CAT: variants seen among roughly 807,000 people sequenced by gnomAD.
CAT encodes catalase.
CAT carries 43 observed loss-of-function variants against 59.0 expected under a neutral mutation model. The ratio of observed to expected loss-of-function variants is 0.73; its 90% CI spans 0.57 to 0.94. The LOEUF (loss-of-function observed/expected upper bound fraction) is 0.94. Among genes scored for constraint, CAT ranks in the 40% least tolerant of loss-of-function variants. CAT has a pLI of 0.00. For missense variants in CAT, 664 were observed against 682.9 expected (o/e 0.97, Z 0.31); for synonymous variants, 218 against 230.9 (o/e 0.94, Z 0.51).
chr11:34,471,309 A>G, intron 12 of CAT, 59 bp from the exon 13 acceptor site: 6 of 1,283,340 alleles, frequency 4.7e-6, no homozygotes, highest in Non-Finnish European at 6.8e-6. Context: ...AAAACTGAGT[A>G]AATATCACGT....
intron 6 of CAT, among the ~76,000 whole-genome samples, 186 bp downstream of exon 6, chr11:34,454,112 G>A (rs183080448): frequency 8.0e-4 from 122 of 152,196 alleles, no homozygotes; most frequent in Non-Finnish European, 1.4e-3. Context: ...ACCTTGGAGC[G>A]TATCCCAATC....
intron 11 of CAT, among the ~76,000 whole-genome samples, chr11:34,468,971 C>T (rs1473326574): frequency 6.6e-6 from 1 of 152,158 alleles, no homozygotes; most frequent in Admixed American, 6.5e-5. Flanking sequence ...CATAATACCT[C>T]GATCCTCCTT....
At chr11:34,458,235 T>C (rs1450349703) in intron 8 of CAT, among the ~76,000 whole-genome samples, 1 of 152,186 alleles carries the variant, frequency 6.6e-6, no homozygotes, top group Non-Finnish European at 1.5e-5. Context: ...AGGTGGGACA[T>C]GTTAGGTGTG....
In CAT at chr11:34,468,185, A is replaced by G. The variant is rs969474741; in HGVS notation, c.1327-103A>G. ...AAATTTAAAATTATTCTTAACTTCT[A>G]AAGTTTTTTTTATCATTGATTTCCT... On this transcript the variant is annotated intron_variant, in intron 10 of 12. Transcript: ENST00000241052. The G allele has an allele frequency of 3.5e-5, 31 of 873,446 alleles. No homozygotes were observed. In the African/African-American group the frequency reaches 4.6e-4, roughly 13 times the overall value. 54.1% of individuals were successfully genotyped at this position (873,446 alleles called of 1,614,324 possible).
chr11:34,467,926 G>T (rs1856737531), intron 10 of CAT, among the ~76,000 whole-genome samples: 1 of 151,950 alleles, frequency 6.6e-6, no homozygotes, highest in Non-Finnish European at 1.5e-5. Context: ...TTCCTCCATG[G>T]TTCTGGGAGA....
intron 8 of CAT, among the ~76,000 whole-genome samples, chr11:34,460,373 T>C (rs1295232783): frequency 6.6e-6 from 1 of 152,082 alleles, no homozygotes; most frequent in Non-Finnish European, 1.5e-5. Flanking sequence ...GTTATTGTTG[T>C]TTATATCTAG....
chr11:34,461,127 C>T (rs977123909), intron 8 of CAT, 124 bp from the exon 9 acceptor site: 16 of 1,064,492 alleles, frequency 1.5e-5, no homozygotes, highest in Non-Finnish European at 1.9e-5. Context: ...GCGGGAAAGG[C>T]AGAATTTTGT....
chr11:34,464,251 T>G lies in CAT; in HGVS notation c.1326+16T>G. 6.2e-7 allele frequency: 1 copy of G among 1,612,894 alleles called. No individual in the cohort carries two copies. Among genetic ancestry groups the G allele is most frequent in the Non-Finnish European group, 8.5e-7 (1 of 1,178,862 alleles). On this transcript the variant is annotated intron_variant, in intron 10 of 12. Transcript: ENST00000241052. ...CGTTACTCAGGTAATGACTTCTCTTTATCTGCTATGGAAGTCACCTGCTAA... is the reference window on the plus strand; with the variant it reads ...CGTTACTCAGGTAATGACTTCTCTTGATCTGCTATGGAAGTCACCTGCTAA...
At position 34,449,250 on chromosome 11, in the gene CAT, T is replaced by C. The variant is rs1348925154; in HGVS notation, c.125T>C (p.Ile42Thr). 7 of 1,613,898 alleles carry C rather than the reference T, an allele frequency of 4.3e-6. No homozygotes were observed. The highest frequency in any genetic ancestry group is 3.3e-5 in the Admixed American group (2 of 60,004). The change falls in exon 2 of 13, where the codon ATT becomes ACT. Residue 42 changes from isoleucine (I) to threonine (T), a missense_variant. Coordinates refer to ENST00000241052, the MANE Select transcript of CAT (RefSeq NM_001752.4). ...CCAGTAGGAGACAAACTTAATGTTA[T>C]TACAGTAGGGCCCCGTGGGCCCCTT... ...GNPVGDKLNV[I>T]TVGPRGPLLV...
At chr11:34,441,259 G>A (rs139455985) in intron 1 of CAT, among the ~76,000 whole-genome samples, 1 of 152,086 alleles carries the variant, frequency 6.6e-6, no homozygotes, top group Non-Finnish European at 1.5e-5. Flanking sequence ...CAGAAAAGTT[G>A]AAAAAATTTT....
At chr11:34,464,325 C>T in intron 10 of CAT, 90 bp downstream of exon 10, 1 of 1,249,838 alleles carries the variant, frequency 8.0e-7, no homozygotes. Flanking sequence ...AATGCCCCAA[C>T]TGTCTGATGT....
chr11:34,468,627 A>C (rs112353694), intron 11 of CAT: 44 of 583,668 alleles, frequency 7.5e-5, no homozygotes, highest in African/African-American at 6.3e-4. Context: ...GTACTAATTT[A>C]GTTGTGTTCA....
chr11:34,449,229 T>C lies in CAT; in HGVS notation c.104T>C (p.Val35Ala), dbSNP rs1370868984. The C allele has an allele frequency of 6.2e-7, 1 of 1,614,060 alleles. No individual in the cohort carries two copies. The highest frequency in any genetic ancestry group is 8.5e-7 in the Non-Finnish European group (1 of 1,179,992). Residue 35 changes from valine (V) to alanine (A), a missense_variant, in exon 2 of 13, where the codon GTA becomes GCA. Coordinates refer to ENST00000241052, the MANE Select transcript of CAT (RefSeq NM_001752.4). ...DVLTTGAGNP[V>A]GDKLNVITVG... ...CTGACCACTGGAGCTGGTAACCCAG[T>C]AGGAGACAAACTTAATGTTATTACA...
chr11:34,450,672 C>T (rs11824384), intron 2 of CAT, among the ~76,000 whole-genome samples: 3,289 of 152,294 alleles, frequency 0.022, 125 homozygotes, highest in African/African-American at 0.076. Flanking sequence ...CACTTTCTCT[C>T]ATAGGTCCTA....
intron 3 of CAT, 42 bp downstream of exon 3, chr11:34,451,140 C>T (rs1448004415): frequency 8.8e-7 from 1 of 1,140,946 alleles, no homozygotes; most frequent in Non-Finnish European, 1.3e-6. Flanking sequence ...CTTAACTCAA[C>T]TTCACCTTTT....
chr11:34,471,788 A>G lies in CAT; in HGVS notation c.*355A>G, dbSNP rs1032962795. ...ACCTCATGGCCTATTATATTAAAAT[A>G]TGGCTATAAATATATAAAAAGAAAA... On this transcript the variant is annotated 3_prime_UTR_variant, in exon 13 of 13. Transcript: ENST00000241052. 8.2e-6 allele frequency: 2 copies of G among 242,586 alleles called. No homozygotes were observed. The highest frequency in any genetic ancestry group is 5.1e-5 in the Admixed American group (1 of 19,640). 15.0% of individuals were successfully genotyped at this position (242,586 alleles called of 1,614,324 possible).
intron 11 of CAT, among the ~76,000 whole-genome samples, chr11:34,470,161 T>A (rs931248979): frequency 2.6e-5 from 4 of 152,192 alleles, no homozygotes; most frequent in Non-Finnish European, 5.9e-5. Flanking sequence ...AGATTCTGAC[T>A]GCAAATCAAA....
At chr11:34,469,926 A>C (rs558847669) in intron 11 of CAT, among the ~76,000 whole-genome samples, 1 of 152,274 alleles carries the variant, frequency 6.6e-6, no homozygotes, top group East Asian at 1.9e-4. Context: ...TTGGCCTCCC[A>C]AAGTGCTGGG....
chr11:34,460,446 C>CCTTTTTT (rs764827639), intron 8 of CAT, among the ~76,000 whole-genome samples: 2 of 84,484 alleles, frequency 2.4e-5, no homozygotes, highest in East Asian at 3.1e-4. Flanking sequence ...GTGGGCGGTA[C>CCTTTTTT]TTTTTTTTTT....
Sources: gnomAD v4.1 joint callset for allele counts (sites outside exome capture counted in the v4.1 genomes callset) on GRCh38, gnomAD v4.1.1 for gene constraint, MANE v1.5 for transcripts, NCBI Gene and HGNC (gene_info 2026-07-23, HGNC 2026-07-21) for gene names.